DYNC1I1: variants seen among roughly 807,000 people sequenced by gnomAD.
The protein encoded by DYNC1I1 is cytoplasmic dynein 1 intermediate chain 1.
Under a neutral mutation model 86.6 loss-of-function variants are expected in DYNC1I1, and 43 were observed. The observed-to-expected ratio is 0.50, with a 90% CI of 0.39 to 0.64. The LOEUF (loss-of-function observed/expected upper bound fraction) is 0.64, where lower values mean the gene tolerates loss of function less well. DYNC1I1 is among the 30% of genes least tolerant of loss of function. DYNC1I1 has a pLI of 0.00. For synonymous variants in DYNC1I1, 262 were observed against 283.7 expected (o/e 0.92, Z 0.77); for missense variants, 604 against 788.8 (o/e 0.77, Z 2.81).
intron 5 of DYNC1I1, among the ~76,000 whole-genome samples, chr7:95,856,905 G>A (rs1419359805): frequency 6.6e-6 from 1 of 152,088 alleles, no homozygotes; most frequent in East Asian, 1.9e-4. Flanking sequence ...CTTGAATCCG[G>A]GGGGCAGAGG....
At chr7:96,038,884 T>C (rs1374506780) in intron 13 of DYNC1I1, among the ~76,000 whole-genome samples, 1 of 152,174 alleles carries the variant, frequency 6.6e-6, no homozygotes, top group Non-Finnish European at 1.5e-5. Context: ...AAGCAGACCA[T>C]GTGCAAAATG....
At position 96,013,287 on chromosome 7, in the gene DYNC1I1, G is replaced by A. The variant is rs114473727; in HGVS notation, c.970-14888G>A. ...TGGCATGATGCAAGAAATGAGGGTG[G>A]CCTCTAGAAGTTGGAAAGAAGGCCA... On this transcript the variant is annotated intron_variant, in intron 10 of 16. Transcript: ENST00000447467. Among the ~76,000 whole-genome samples the A allele has an allele frequency of 5.6e-3, 858 of 152,154 alleles. 13 individuals carry two copies. Among genetic ancestry groups the A allele is most frequent in the African/African-American group, 0.02 (818 of 41,526 alleles).
intron 6 of DYNC1I1, among the ~76,000 whole-genome samples, chr7:95,970,158 A>G (rs1319809120): frequency 1.3e-5 from 2 of 152,128 alleles, no homozygotes; most frequent in African/African-American, 4.8e-5. Flanking sequence ...GTTATGTGCG[A>G]GAGCCCTCAC....
chr7:95,831,953 T>TTATCA (rs1788915804), intron 5 of DYNC1I1, among the ~76,000 whole-genome samples: 1 of 151,754 alleles, frequency 6.6e-6, no homozygotes, highest in African/African-American at 2.4e-5. Context: ...GCCTTATCAT[T>TTATCA]GTATTGGTTG....
chr7:96,064,028 C>T (rs1243207641), intron 14 of DYNC1I1, among the ~76,000 whole-genome samples: 1 of 152,156 alleles, frequency 6.6e-6, no homozygotes, highest in Non-Finnish European at 1.5e-5. Context: ...TTGGCTGATG[C>T]TGAATGCAGA....
intron 10 of DYNC1I1, among the ~76,000 whole-genome samples, chr7:95,999,023 T>C (rs1207357328): frequency 1.3e-5 from 2 of 152,234 alleles, no homozygotes; most frequent in African/African-American, 4.8e-5. Flanking sequence ...TTTAGTGTGA[T>C]CTCTGGTCCT....
intron 10 of DYNC1I1, among the ~76,000 whole-genome samples, chr7:96,024,647 G>A (rs1794633491): frequency 6.6e-6 from 1 of 152,018 alleles, no homozygotes; most frequent in African/African-American, 2.4e-5. Context: ...CAACTGCATA[G>A]GGAAGTAATG....
At chr7:95,949,486 TA>T (rs1450434761) in intron 6 of DYNC1I1, among the ~76,000 whole-genome samples, 1 of 152,244 alleles carries the variant, frequency 6.6e-6, no homozygotes, top group African/African-American at 2.4e-5. Context: ...CAGTGACCAT[TA>T]ACTTAAGCCT....
At chr7:96,049,066 C>T (rs996302287) in intron 14 of DYNC1I1, among the ~76,000 whole-genome samples, 1 of 151,780 alleles carries the variant, frequency 6.6e-6, no homozygotes, top group Non-Finnish European at 1.5e-5. Flanking sequence ...GAGACCATCA[C>T]GGCTAACACG....
chr7:95,876,214 A>G (rs998256355), intron 6 of DYNC1I1, among the ~76,000 whole-genome samples: 1 of 152,134 alleles, frequency 6.6e-6, no homozygotes, highest in Non-Finnish European at 1.5e-5. Context: ...AGAAAGTGAA[A>G]ATCCAGATAT....
At chr7:96,078,525 A>ATT (rs760842547) in intron 15 of DYNC1I1, among the ~76,000 whole-genome samples, 1 of 152,158 alleles carries the variant, frequency 6.6e-6, no homozygotes, top group Non-Finnish European at 1.5e-5. Context: ...AAAAGAAACT[A>ATT]TTTTTAAATG....
chr7:95,958,441 A>T (rs980028392), intron 6 of DYNC1I1, among the ~76,000 whole-genome samples: 3 of 152,206 alleles, frequency 2.0e-5, no homozygotes, highest in East Asian at 3.9e-4. Flanking sequence ...TGTTTTTTTT[A>T]AAACATTGGC....
At chr7:95,929,198 G>T (rs904265559) in intron 6 of DYNC1I1, among the ~76,000 whole-genome samples, 2 of 152,068 alleles carry the variant, frequency 1.3e-5, no homozygotes, top group African/African-American at 4.8e-5. Flanking sequence ...CTCCCAGGGT[G>T]CCCATGCCTA....
chr7:95,895,849 C>T (rs1790869323), intron 6 of DYNC1I1, among the ~76,000 whole-genome samples: 1 of 152,178 alleles, frequency 6.6e-6, no homozygotes, highest in South Asian at 2.1e-4. Context: ...TTGCACCAAG[C>T]TAATAGTATC....
chr7:95,941,739 G>C (rs1277761284), intron 6 of DYNC1I1, among the ~76,000 whole-genome samples: 1 of 152,166 alleles, frequency 6.6e-6, no homozygotes, highest in Non-Finnish European at 1.5e-5. Flanking sequence ...GGAACTTCCT[G>C]ACCACTTGCG....
chr7:95,793,043 C>T lies in DYNC1I1; in HGVS notation c.-9-11678C>T, dbSNP rs568068585. Among the ~76,000 whole-genome samples the T allele has an allele frequency of 2.6e-5, 4 of 152,126 alleles. 1 individual carries two copies. The highest frequency in any genetic ancestry group is 7.2e-5 in the African/African-American group (3 of 41,502). ...GTGTTTTAAACAGTGTTCTGTCACC[C>T]AAATCTGATGGGTACACTACCATCA... On this transcript the variant is annotated intron_variant, in intron 1 of 16. Coordinates refer to ENST00000447467, the MANE Select transcript of DYNC1I1 (RefSeq NM_001135556.2).
At chr7:95,782,970 G>A (rs376288939) in intron 1 of DYNC1I1, among the ~76,000 whole-genome samples, 3 of 152,284 alleles carry the variant, frequency 2.0e-5, no homozygotes, top group African/African-American at 7.2e-5. Flanking sequence ...CCACTCTTCT[G>A]CTCATGGAGC....
chr7:95,992,868 A>G (rs1584233742), intron 9 of DYNC1I1, among the ~76,000 whole-genome samples: 1 of 151,918 alleles, frequency 6.6e-6, no homozygotes, highest in Non-Finnish European at 1.5e-5. Flanking sequence ...GCTGGCCTCA[A>G]CCTCTGTGTT....
intron 5 of DYNC1I1, among the ~76,000 whole-genome samples, chr7:95,834,183 G>T (rs1339056352): frequency 1.6e-5 from 1 of 61,464 alleles, no homozygotes; most frequent in Non-Finnish European, 3.0e-5. Flanking sequence ...AGCATGAAGG[G>T]TTGTTGAATT....
Sources: gnomAD v4.1 joint callset for allele counts (sites outside exome capture counted in the v4.1 genomes callset) on GRCh38, gnomAD v4.1.1 for gene constraint, MANE v1.5 for transcripts, NCBI Gene and HGNC (gene_info 2026-07-23, HGNC 2026-07-21) for gene names.